The following TRHDE variants were observed in gnomAD, a reference collection of about 807,000 sequenced individuals.
TRHDE encodes thyrotropin-releasing hormone-degrading ectoenzyme.
TRHDE carries 72 observed loss-of-function variants against 125.7 expected under a neutral mutation model. The observed-to-expected ratio is 0.57, with a 90% confidence interval of 0.47 to 0.70. The LOEUF (loss-of-function observed/expected upper bound fraction) is 0.70. Ranked by LOEUF, TRHDE falls within the 30% of genes least tolerant of loss-of-function variation. TRHDE has a pLI of 0.00. For synonymous variants in TRHDE, 509 were observed against 509.1 expected, an observed-to-expected ratio of 1.00 and a Z score of 0.00; for missense variants, 1,110 against 1,327.1, an observed-to-expected ratio of 0.84 and a Z score of 2.54.
intron 3 of TRHDE, among the ~76,000 whole-genome samples, chr12:72,462,112 C>G (rs1876151587): frequency 6.6e-6 from 1 of 152,114 alleles, no homozygotes; most frequent in African/African-American, 2.4e-5. Context: ...TTGCCTTCTG[C>G]CAAGAAGATC....
chr12:72,363,307 G>A (rs1300312356), intron 2 of TRHDE, among the ~76,000 whole-genome samples: 4 of 33,404 alleles, frequency 1.2e-4, no homozygotes, highest in Non-Finnish European at 3.3e-4. Context: ...AAGCTGGGCA[G>A]AGACACAACC....
intron 6 of TRHDE, among the ~76,000 whole-genome samples, chr12:72,528,398 T>C (rs1486770273): frequency 6.6e-6 from 1 of 152,230 alleles, no homozygotes; most frequent in African/African-American, 2.4e-5. Flanking sequence ...TTGCCTGATA[T>C]TAAAAACACA....
intron 2 of TRHDE, among the ~76,000 whole-genome samples, chr12:72,179,675 C>T (rs1472651061): frequency 6.6e-6 from 1 of 151,934 alleles, no homozygotes; most frequent in African/African-American, 2.4e-5. Flanking sequence ...GGCTTTTTTG[C>T]TTTTGACCTC....
intron 15 of TRHDE, among the ~76,000 whole-genome samples, chr12:72,638,602 A>T (rs936199029): frequency 2.6e-5 from 4 of 151,596 alleles, no homozygotes; most frequent in Admixed American, 2.0e-4. Context: ...CCTAGTCTCG[A>T]TGGTCTTTAC....
chr12:72,310,821 C>T (rs1868508738), intron 2 of TRHDE, among the ~76,000 whole-genome samples: 1 of 152,046 alleles, frequency 6.6e-6, no homozygotes, highest in African/African-American at 2.4e-5. Context: ...TCAGCTTATT[C>T]CGACCTCTAA....
At chr12:72,434,388 CAAAA>C (rs34254660) in intron 3 of TRHDE, among the ~76,000 whole-genome samples, 1,416 of 81,940 alleles carry the variant, frequency 0.017, 67 homozygotes, top group Admixed American at 0.13. Context: ...CTCTATGTCT[CAAAA>C]AAAAAAAAAA....
chr12:72,238,306 AT>A (rs1362832288), intron 2 of TRHDE, among the ~76,000 whole-genome samples: 31 of 35,628 alleles, frequency 8.7e-4, no homozygotes, highest in Admixed American at 2.3e-3. Context: ...ATATATATAT[AT>A]ATATATATAT....
chr12:72,244,985 A>G lies in TRHDE; in HGVS notation n.280-133010A>G, dbSNP rs1290862582. ...ATTTTAGATGTGACAAGAATGTGAA[A>G]GGCATGTGAATAATTTTACAACATC... On this transcript the variant is annotated intron_variant and non_coding_transcript_variant, in intron 2 of 4. Transcript: ENST00000548156. Among the ~76,000 whole-genome samples, 4 of 152,150 alleles carry G rather than the reference A, an allele frequency of 2.6e-5. No individual in the cohort carries two copies. In the East Asian group the frequency reaches 7.7e-4, roughly 29 times the overall value.
At chr12:72,562,493 T>C (rs577340809) in intron 8 of TRHDE, among the ~76,000 whole-genome samples, 1 of 148,610 alleles carries the variant, frequency 6.7e-6, no homozygotes, top group Non-Finnish European at 1.5e-5. Flanking sequence ...TGGTGTAAGA[T>C]ATTCATGTTA....
intron 2 of TRHDE, among the ~76,000 whole-genome samples, chr12:72,294,339 G>T (rs1250241577): frequency 3.9e-5 from 6 of 152,138 alleles, no homozygotes; most frequent in Admixed American, 3.9e-4. Flanking sequence ...TGATAGAAAA[G>T]CTCAGAGGGA....
chr12:72,363,551 C>T (rs1470430536), intron 2 of TRHDE, among the ~76,000 whole-genome samples: 2 of 151,998 alleles, frequency 1.3e-5, no homozygotes, highest in Non-Finnish European at 2.9e-5. Context: ...GCAGAAAAGG[C>T]CTTTGACGAA....
chr12:72,122,673 G>A (rs1484097728), intron 2 of TRHDE, among the ~76,000 whole-genome samples: 1 of 151,916 alleles, frequency 6.6e-6, no homozygotes, highest in Non-Finnish European at 1.5e-5. Flanking sequence ...CATTCAAAAG[G>A]AAGTCACTTT....
intron 2 of TRHDE, among the ~76,000 whole-genome samples, chr12:72,236,734 G>T (rs1318151575): frequency 6.6e-6 from 1 of 152,138 alleles, no homozygotes; most frequent in East Asian, 1.9e-4. Flanking sequence ...CAGCCTTTTA[G>T]ATCAATTTAT....
intron 13 of TRHDE, among the ~76,000 whole-genome samples, chr12:72,619,705 C>A (rs879100780): frequency 1.3e-5 from 2 of 152,032 alleles, no homozygotes; most frequent in Non-Finnish European, 2.9e-5. Context: ...TGCTCATGAG[C>A]CTTTTGATTC....
chr12:72,431,624 C>T lies in TRHDE; in HGVS notation c.1316-38134C>T, dbSNP rs1466914618. ...AAAAATACCTAATGTTCAGATCTGC[C>T]AATAACAGGAAGAAGAGGTTTTTTT... On this transcript the variant is annotated intron_variant, in intron 3 of 18. Transcript: ENST00000261180. The T allele has an allele frequency of 2.0e-5, 3 of 149,952 alleles. No homozygotes were observed. The Admixed American group carries it at 2.0e-4, about 10-fold the overall frequency. 9.3% of individuals were successfully genotyped at this position (149,952 alleles called of 1,614,324 possible).
intron 1 of TRHDE, among the ~76,000 whole-genome samples, chr12:72,280,915 CGTGAAT>C (rs1879673834): frequency 6.6e-6 from 1 of 152,106 alleles, no homozygotes; most frequent in African/African-American, 2.4e-5. Context: ...AATAAAAAAA[CGTGAAT>C]CTCAGACACG....
chr12:72,612,850 T>G (rs1344446191), intron 12 of TRHDE, among the ~76,000 whole-genome samples: 1 of 152,178 alleles, frequency 6.6e-6, no homozygotes, highest in Non-Finnish European at 1.5e-5. Flanking sequence ...GGTCAGACAT[T>G]GACCCTATTT....
intron 2 of TRHDE, among the ~76,000 whole-genome samples, chr12:72,295,897 T>C (rs1880281129): frequency 6.6e-6 from 1 of 152,126 alleles, no homozygotes; most frequent in Non-Finnish European, 1.5e-5. Context: ...CTAAAATAAA[T>C]AGTAACAAAA....
chr12:72,373,194 CT>C (rs1871696525), intron 2 of TRHDE, among the ~76,000 whole-genome samples: 1 of 152,108 alleles, frequency 6.6e-6, no homozygotes, highest in Non-Finnish European at 1.5e-5. Flanking sequence ...CTCTGTTTGT[CT>C]GTTATTGGTG....
Sources: gnomAD v4.1 joint callset for allele counts (sites outside exome capture counted in the v4.1 genomes callset) on GRCh38, gnomAD v4.1.1 for gene constraint, MANE v1.5 for transcripts, NCBI Gene and HGNC (gene_info 2026-07-23, HGNC 2026-07-21) for gene names.